Variants in ARNT observed in about 807,000 individuals in gnomAD.
The protein encoded by ARNT is class E basic helix-loop-helix protein 2.
ARNT carries 30 observed loss-of-function variants against 105.0 expected under a neutral mutation model. The observed-to-expected ratio is 0.29, with a 90% CI of 0.21 to 0.39. The LOEUF (loss-of-function observed/expected upper bound fraction) is 0.39. Among genes scored for constraint, ARNT ranks in the 10% least tolerant of loss-of-function variants. ARNT has a pLI of 1.00. For missense variants in ARNT, 748 were observed against 978.7 expected, an observed-to-expected ratio of 0.76 and a Z score of 3.15; for synonymous variants, 304 against 344.0, an observed-to-expected ratio of 0.88 and a Z score of 1.29.
At chr1:150,827,089 T>TA (rs1035828728) in intron 12 of ARNT, among the ~76,000 whole-genome samples, 8 of 152,034 alleles carry the variant, frequency 5.3e-5, no homozygotes, top group Admixed American at 1.3e-4. Context: ...TGAAATCTAC[T>TA]AAAAAAAGGC....
intron 8 of ARNT, 23 bp from the exon 9 acceptor site, chr1:150,832,422 TA>T: frequency 6.2e-7 from 1 of 1,613,038 alleles, no homozygotes; most frequent in Non-Finnish European, 8.5e-7. Context: ...ATAAAGAGAT[TA>T]AAAGCAATCA....
At chr1:150,865,447 C>T (rs1387696596) in intron 1 of ARNT, among the ~76,000 whole-genome samples, 1 of 152,110 alleles carries the variant, frequency 6.6e-6, no homozygotes, top group Non-Finnish European at 1.5e-5. Flanking sequence ...CTATGGAATT[C>T]CCCAAAGTCT....
chr1:150,861,753 T>C (rs1330235492), intron 1 of ARNT, among the ~76,000 whole-genome samples: 1 of 152,236 alleles, frequency 6.6e-6, no homozygotes, highest in African/African-American at 2.4e-5. Context: ...AAAAGGGTCA[T>C]ACTATACAAA....
chr1:150,858,521 T>A, intron 1 of ARNT, 61 bp from the exon 2 acceptor site: 10 of 1,307,368 alleles, frequency 7.6e-6, no homozygotes, highest in Non-Finnish European at 1.1e-5. Flanking sequence ...ATCATCAGTA[T>A]CATCAAGTTA....
At chr1:150,876,461 T>C in intron 1 of ARNT, 82 bp downstream of exon 1, 2 of 1,512,200 alleles carry the variant, frequency 1.3e-6, no homozygotes, top group Non-Finnish European at 1.8e-6. Flanking sequence ...TCCAGCTGCG[T>C]CCCCTCAGCC....
intron 3 of ARNT, among the ~76,000 whole-genome samples, chr1:150,848,069 A>AT (rs1662589437): frequency 6.6e-6 from 1 of 152,218 alleles, no homozygotes; most frequent in Non-Finnish European, 1.5e-5. Flanking sequence ...AACTGAGGAG[A>AT]TAAGTGTGTG....
intron 5 of ARNT, among the ~76,000 whole-genome samples, chr1:150,841,202 G>A (rs12755750): frequency 0.043 from 6,506 of 150,376 alleles, 227 homozygotes; most frequent in Non-Finnish European, 0.07. Flanking sequence ...TGCCTGCCTC[G>A]GCCTCCCAAA....
At chr1:150,874,895 C>T (rs1668019797) in intron 1 of ARNT, among the ~76,000 whole-genome samples, 1 of 152,192 alleles carries the variant, frequency 6.6e-6, no homozygotes, top group East Asian at 1.9e-4. Flanking sequence ...TGATATTGAT[C>T]AGCTTATGAA....
At chr1:150,818,310 T>C in intron 14 of ARNT, 1 of 272,676 alleles carries the variant, frequency 3.7e-6, no homozygotes, top group Non-Finnish European at 6.8e-6. Flanking sequence ...TATATATTCA[T>C]ATAAGGTATT....
chr1:150,861,199 G>C, intron 1 of ARNT: 1 of 309,264 alleles, frequency 3.2e-6, no homozygotes, highest in Non-Finnish European at 6.5e-6. Flanking sequence ...AAACAGTATG[G>C]AGATGCCTCC....
intron 13 of ARNT, among the ~76,000 whole-genome samples, chr1:150,824,891 T>A (rs1657882352): frequency 6.6e-6 from 1 of 151,976 alleles, no homozygotes; most frequent in African/African-American, 2.4e-5. Context: ...TTAGACAGTC[T>A]TGCTCTATCG....
At chr1:150,834,912 G>T in intron 7 of ARNT, 1 of 367,382 alleles carries the variant, frequency 2.7e-6, no homozygotes, top group Non-Finnish European at 5.3e-6. Flanking sequence ...GAAAACAAGA[G>T]GCAAGGCTAT....
intron 11 of ARNT, 47 bp from the exon 12 acceptor site, chr1:150,829,274 C>G (rs1489759266): frequency 6.3e-7 from 1 of 1,575,952 alleles, no homozygotes; most frequent in Admixed American, 1.7e-5. Flanking sequence ...CCATTATTTA[C>G]AGATGTATTT....
rs10305692 is a variant in ARNT at position 150,837,275 on chromosome 1, GAAT to G, written c.487-785_487-783del. On this transcript the variant is annotated intron_variant, in intron 6 of 21. Transcript: ENST00000358595. The stretch of plus-strand genomic sequence containing the variant: ...TTTTTCAGCAGCAAGCTTATACTAA[GAAT>G]AATGTTATATTCACTGGCTTTATCC... Among the ~76,000 whole-genome samples the G allele has an allele frequency of 7.7e-3, 1,169 of 152,156 alleles. 6 individuals are homozygous for G. The highest frequency in any genetic ancestry group is 0.011 in the Non-Finnish European group (716 of 67,990).
intron 5 of ARNT, 77 bp downstream of exon 5, chr1:150,842,347 G>T: frequency 6.4e-7 from 1 of 1,554,890 alleles, no homozygotes; most frequent in Admixed American, 2.0e-5. Flanking sequence ...GAAAGGGGAA[G>T]AAAAGAAAGA....
intron 19 of ARNT, among the ~76,000 whole-genome samples, chr1:150,814,512 A>G (rs1386278104): frequency 3.3e-5 from 5 of 152,250 alleles, no homozygotes. Flanking sequence ...GTGAAGTTAT[A>G]TAAAACTAGA....
intron 1 of ARNT, among the ~76,000 whole-genome samples, chr1:150,859,337 C>T (rs1665185024): frequency 6.7e-6 from 1 of 150,344 alleles, no homozygotes; most frequent in Middle Eastern, 3.4e-3. Flanking sequence ...TTAGTAACAG[C>T]TGAGTACTTT....
At chr1:150,839,327 G>T in intron 6 of ARNT, 114 bp downstream of exon 6, 1 of 1,011,552 alleles carries the variant, frequency 9.9e-7, no homozygotes, top group Non-Finnish European at 1.5e-6. Flanking sequence ...ATTGAAATTC[G>T]TTTTCCCATT....
intron 4 of ARNT, among the ~76,000 whole-genome samples, chr1:150,844,336 TAC>T (rs1661787431): frequency 1.3e-5 from 2 of 152,200 alleles, no homozygotes; most frequent in East Asian, 3.8e-4. Flanking sequence ...TCTACCTCCC[TAC>T]AGTCTAACAG....
Sources: allele counts gnomAD v4.1 joint callset (sites outside exome capture counted in the v4.1 genomes callset), GRCh38; gene constraint gnomAD v4.1.1; transcripts MANE v1.5; gene names NCBI Gene and HGNC (gene_info 2026-07-23, HGNC 2026-07-21).